Variants in CYFIP1 observed in about 807,000 individuals in gnomAD.
CYFIP1 encodes cytoplasmic FMR1 interacting protein 1.
In CYFIP1, 58 loss-of-function variants were observed where a neutral mutation model predicts 163.5. That is an observed-to-expected ratio of 0.35 (90% confidence interval 0.29 to 0.44). The LOEUF (loss-of-function observed/expected upper bound fraction) is 0.44. Ranked by LOEUF, CYFIP1 falls within the 20% of genes least tolerant of loss-of-function variation. The probability of loss-of-function intolerance (pLI) is 1.00; values close to 1 mark genes in which losing one functional copy is unlikely to be tolerated. For missense variants in CYFIP1, 1,338 were observed against 1,653.8 expected, an observed-to-expected ratio of 0.81 and a Z score of 3.31; for synonymous variants, 663 against 660.7, an observed-to-expected ratio of 1.00 and a Z score of -0.05.
At position 22,910,522 on chromosome 15, in the gene CYFIP1, G is replaced by T; in HGVS notation, c.2266C>A (p.Gln756Lys). 6.2e-7 allele frequency: 1 copy of T among 1,613,192 alleles called. No homozygotes were observed. Among genetic ancestry groups the T allele is most frequent in the Non-Finnish European group, 8.5e-7 (1 of 1,179,162 alleles). The change falls in exon 20 of 31, where the codon CAG becomes AAG. Residue 756 changes from glutamine (Q) to lysine (K), a missense_variant and splice_region_variant. Gln to Lys is a moderately conservative substitution (Grantham distance 53). Coordinates refer to ENST00000617928, the MANE Select transcript of CYFIP1 (RefSeq NM_014608.6). ...YETLLKQRHV[Q>K]LLGRSIDLNR... is the part of the protein sequence containing the mutation. Reference sequence around the variant, plus strand: ...ACCACAGCCCGGCCCCAGCTCACCTGCACATGCCTCTGCTTCAGCAGCGTC... The same window carrying T: ...ACCACAGCCCGGCCCCAGCTCACCTTCACATGCCTCTGCTTCAGCAGCGTC...
At chr15:22,881,755 G>T in intron 25 of CYFIP1, 91 bp downstream of exon 25, 2 of 1,252,474 alleles carry the variant, frequency 1.6e-6, no homozygotes, top group Non-Finnish European at 2.3e-6. Context: ...TTCCCACATG[G>T]CAAATCTAAT....
At chr15:22,902,913 G>A (rs1406941557) in intron 22 of CYFIP1, among the ~76,000 whole-genome samples, 1 of 152,178 alleles carries the variant, frequency 6.6e-6, no homozygotes, top group Admixed American at 6.5e-5. Flanking sequence ...ATCAGAGCTC[G>A]GCATCCTGTC....
At chr15:22,958,866 G>C (rs1327632088) in intron 1 of CYFIP1, among the ~76,000 whole-genome samples, 1 of 152,158 alleles carries the variant, frequency 6.6e-6, no homozygotes, top group Non-Finnish European at 1.5e-5. Context: ...AAATTTGTAT[G>C]AAAAAAACTA....
At chr15:22,937,760 C>T (rs2061761972) in intron 8 of CYFIP1, among the ~76,000 whole-genome samples, 2 of 151,960 alleles carry the variant, frequency 1.3e-5, no homozygotes. Flanking sequence ...GACCACCACG[C>T]CTGGCTAATT....
chr15:22,901,273 C>T (rs904585691), intron 22 of CYFIP1, among the ~76,000 whole-genome samples: 2 of 151,894 alleles, frequency 1.3e-5, no homozygotes, highest in African/African-American at 2.4e-5. Context: ...ATAACTGATT[C>T]GGACAGGAAT....
intron 1 of CYFIP1, among the ~76,000 whole-genome samples, chr15:22,970,352 A>T: frequency 6.6e-6 from 1 of 152,366 alleles, no homozygotes; most frequent in Non-Finnish European, 1.5e-5. Flanking sequence ...TAATATTGTT[A>T]AGATGACAAT....
At chr15:22,931,685 T>TAAAAAAAAAAAAA (rs2061538850) in intron 11 of CYFIP1, among the ~76,000 whole-genome samples, 2 of 30,712 alleles carry the variant, frequency 6.5e-5, no homozygotes, top group Non-Finnish European at 1.0e-4. Flanking sequence ...AATGTTTTTC[T>TAAAAAAAAAAAAA]GAAAAAAAAA....
intron 1 of CYFIP1, among the ~76,000 whole-genome samples, chr15:22,952,051 A>G (rs2062267999): frequency 2.6e-5 from 4 of 152,226 alleles, no homozygotes; most frequent in Admixed American, 2.6e-4. Context: ...GTGGAATGTT[A>G]GCCTTAAAAG....
intron 1 of CYFIP1, among the ~76,000 whole-genome samples, chr15:22,961,743 T>C (rs754439359): frequency 1.3e-5 from 2 of 152,180 alleles, no homozygotes; most frequent in Non-Finnish European, 2.9e-5. Context: ...TTTAAAATCC[T>C]TGGAATCTTG....
Position 22,879,981 on chromosome 15 carries a change from C to A in CYFIP1, c.2974G>T (p.Val992Leu). 1 of 1,614,022 alleles carries A rather than the reference C, an allele frequency of 6.2e-7. No individual in the cohort carries two copies. The highest frequency in any genetic ancestry group is 8.5e-7 in the Non-Finnish European group (1 of 1,179,986). The change falls in exon 26 of 31, where the codon GTG becomes TTG. Residue 992 changes from valine to leucine, a missense_variant. Physicochemically the swap from Val to Leu is conservative, Grantham distance 32. Coordinates refer to ENST00000617928, the MANE Select transcript of CYFIP1 (RefSeq NM_014608.6). ...ACCTCCCGCAGGTTCTGGAAGCACACCGTCTTCAGCTCTGCGTACTCCACG... is the reference window on the plus strand; with the variant it reads ...ACCTCCCGCAGGTTCTGGAAGCACAACGTCTTCAGCTCTGCGTACTCCACG... ...DIVEYAELKT[V>L]CFQNLREVGN...
intron 1 of CYFIP1, among the ~76,000 whole-genome samples, chr15:22,971,569 T>G (rs2063095448): frequency 6.6e-6 from 1 of 151,302 alleles, no homozygotes; most frequent in Non-Finnish European, 1.5e-5. Context: ...CTTGAGTAGC[T>G]TGAGGCTGAG....
chr15:22,964,353 T>TCTCACACA (rs1491543312), intron 1 of CYFIP1, among the ~76,000 whole-genome samples: 41 of 78,744 alleles, frequency 5.2e-4, no homozygotes, highest in African/African-American at 1.8e-3. Flanking sequence ...ACCTCATCAC[T>TCTCACACA]CACACACACA....
intron 13 of CYFIP1, among the ~76,000 whole-genome samples, chr15:22,919,087 G>A (rs189821114): frequency 6.6e-6 from 1 of 152,206 alleles, no homozygotes; most frequent in Non-Finnish European, 1.5e-5. Flanking sequence ...GGACAGGGAT[G>A]CATCTGACTC....
chr15:22,883,678 G>A (rs574181304), intron 23 of CYFIP1, among the ~76,000 whole-genome samples: 7 of 152,022 alleles, frequency 4.6e-5, no homozygotes, highest in East Asian at 3.9e-4. Flanking sequence ...TTAGCCGGGC[G>A]TGGTGGCAGG....
intron 5 of CYFIP1, among the ~76,000 whole-genome samples, chr15:22,943,824 C>G (rs985351330): frequency 2.0e-5 from 3 of 152,162 alleles, no homozygotes; most frequent in African/African-American, 7.2e-5. Context: ...CTTTAAAAAG[C>G]AGCAAGCCCC....
Position 22,890,185 on chromosome 15 carries a change from G to A in CYFIP1, c.2676+2705C>T, listed in dbSNP as rs567549018. 1.9e-3 allele frequency among the ~76,000 whole-genome samples: 295 copies of A among 151,554 alleles called. 3 individuals are homozygous for A. The highest frequency in any genetic ancestry group is 3.2e-3 in the Non-Finnish European group (217 of 67,892). On this transcript the variant is annotated intron_variant, in intron 23 of 30. Coordinates refer to ENST00000617928, the MANE Select transcript of CYFIP1 (RefSeq NM_014608.6). ...AAATTGTCCGGGCATGGTGGCAGGC[G>A]CCTTTAATCCCAGCTATTTGGGAGG...
intron 1 of CYFIP1, among the ~76,000 whole-genome samples, chr15:22,971,047 G>C (rs1420504001): frequency 6.6e-6 from 1 of 152,052 alleles, no homozygotes; most frequent in Non-Finnish European, 1.5e-5. Flanking sequence ...CCGCACTCCA[G>C]CCTGGGCGAC....
At chr15:22,924,232 C>T (rs773651593) in intron 13 of CYFIP1, among the ~76,000 whole-genome samples, 1 of 151,942 alleles carries the variant, frequency 6.6e-6, no homozygotes, top group Non-Finnish European at 1.5e-5. Context: ...GAGACCAGCC[C>T]GGCCAACATG....
chr15:22,978,990 A>C (rs1012344370), intron 1 of CYFIP1, among the ~76,000 whole-genome samples: 1 of 152,184 alleles, frequency 6.6e-6, no homozygotes, highest in Non-Finnish European at 1.5e-5. Flanking sequence ...AATCTTACTA[A>C]AAGTTTAAAA....
Sources: allele counts gnomAD v4.1 joint callset (sites outside exome capture counted in the v4.1 genomes callset), GRCh38; gene constraint gnomAD v4.1.1; transcripts MANE v1.5; gene names NCBI Gene and HGNC (gene_info 2026-07-23, HGNC 2026-07-21).